Variants in UCHL3 observed in about 807,000 individuals in gnomAD.
UCHL3 encodes ubiquitin C-terminal hydrolase L3.
Under a neutral mutation model 35.8 loss-of-function variants are expected in UCHL3, and 22 were observed. The observed-to-expected ratio is 0.61, with a 90% confidence interval of 0.44 to 0.88. The LOEUF (loss-of-function observed/expected upper bound fraction) is 0.88, where lower values mean the gene tolerates loss of function less well. UCHL3 is among the 40% of genes least tolerant of loss of function. The probability of loss-of-function intolerance (pLI) is 0.00; values close to 1 mark genes in which losing one functional copy is unlikely to be tolerated. For synonymous variants in UCHL3, 90 were observed against 92.8 expected (o/e 0.97, Z 0.17); for missense variants, 229 against 276.9 (o/e 0.83, Z 1.23).
rs543945465 is a variant in UCHL3 at position 75,588,809 on chromosome 13, T to C, written c.475-6106T>C. On this transcript the variant is annotated intron_variant, in intron 6 of 8. Coordinates refer to ENST00000377595, the MANE Select transcript of UCHL3 (RefSeq NM_006002.5). ...CAAGGATTTATATTACCATTCTTTT[T>C]ATTTCTTCTCACTATGATTGTAGTG... 7.2e-5 allele frequency among the ~76,000 whole-genome samples: 11 copies of C among 152,304 alleles called. No individual in the cohort carries two copies. In the East Asian group the frequency reaches 2.1e-3, roughly 29 times the overall value.
intron 7 of UCHL3, among the ~76,000 whole-genome samples, chr13:75,598,806 T>C (rs1200957812): frequency 6.6e-6 from 1 of 152,206 alleles, no homozygotes; most frequent in Non-Finnish European, 1.5e-5. Context: ...GCTTTTATCC[T>C]CCAGATTTTG....
rs576620296 is a variant in UCHL3, at chr13:75,554,867, A to G, written c.54+4880A>G. Among the ~76,000 whole-genome samples the G allele has an allele frequency of 1.1e-4, 17 of 152,320 alleles. No individual in the cohort carries two copies. The South Asian group carries it at 3.5e-3, about 32-fold the overall frequency. On this transcript the variant is annotated intron_variant, in intron 2 of 8. Transcript: ENST00000377595. ...ATTTCATCACCCAGGTACTAAACCT[A>G]GTACCTAATAGTTATTGTTTCTGAT...
rs1380728875 is a variant in UCHL3 at position 75,604,546 on chromosome 13, C to A, written c.551-223C>A. On this transcript the variant is annotated intron_variant, in intron 7 of 8. Coordinates refer to ENST00000377595, the MANE Select transcript of UCHL3 (RefSeq NM_006002.5). ...AGCCAGCATTGTAATAAATTCCGTTCATGAAGATAATTTAGGCTTTCAAAT... is the reference window on the plus strand; with the variant it reads ...AGCCAGCATTGTAATAAATTCCGTTAATGAAGATAATTTAGGCTTTCAAAT... 2.6e-5 allele frequency: 10 copies of A among 379,402 alleles called. No individual in the cohort carries two copies. The Admixed American group carries it at 3.6e-4, about 14-fold the overall frequency. The allele number at this position is 379,402 out of a possible 1,614,324, so 23.5% of individuals were successfully genotyped here. A position where few individuals can be genotyped will look rare whatever the true frequency, so the allele number is the denominator to read the frequency against.
intron 7 of UCHL3, among the ~76,000 whole-genome samples, chr13:75,599,274 A>G (rs181045133): frequency 6.6e-6 from 1 of 151,960 alleles, no homozygotes; most frequent in African/African-American, 2.4e-5. Flanking sequence ...CACAGGCCAT[A>G]GTTTTAATTT....
chr13:75,595,458 G>T (rs900238398), intron 7 of UCHL3, among the ~76,000 whole-genome samples: 2 of 151,804 alleles, frequency 1.3e-5, no homozygotes, highest in Non-Finnish European at 1.5e-5. Flanking sequence ...TTAGCCCGGC[G>T]TGGTGGCACA....
intron 2 of UCHL3, among the ~76,000 whole-genome samples, chr13:75,553,181 A>C (rs2031174156): frequency 6.6e-6 from 1 of 152,166 alleles, no homozygotes; most frequent in South Asian, 2.1e-4. Flanking sequence ...TTTAGGAAAA[A>C]AATCTTTGTT....
intron 2 of UCHL3, among the ~76,000 whole-genome samples, chr13:75,552,438 A>G (rs1279735460): frequency 3.9e-5 from 6 of 152,212 alleles, no homozygotes; most frequent in Non-Finnish European, 8.8e-5. Context: ...AATCAATGTG[A>G]GCAAATACTG....
rs112263030 is a variant in UCHL3, at chr13:75,589,151, C to A, written c.475-5764C>A. 1.2e-3 allele frequency among the ~76,000 whole-genome samples: 180 copies of A among 152,208 alleles called. 2 individuals carry two copies. Among genetic ancestry groups the A allele is most frequent in the African/African-American group, 4.0e-3 (168 of 41,524 alleles). On this transcript the variant is annotated intron_variant, in intron 6 of 8. Coordinates refer to ENST00000377595, the MANE Select transcript of UCHL3 (RefSeq NM_006002.5). The stretch of plus-strand genomic sequence containing the variant: ...ATCATTGGACTCTAGAACTTGATTT[C>A]CTGGGTCTGAATCCCGGTTCTGTTA...
chr13:75,559,028 C>T (rs2031389546), intron 2 of UCHL3, among the ~76,000 whole-genome samples: 2 of 125,424 alleles, frequency 1.6e-5, no homozygotes, highest in African/African-American at 3.5e-5. Context: ...CAGCCCCGGA[C>T]TCTTTTTTTT....
intron 7 of UCHL3, among the ~76,000 whole-genome samples, chr13:75,602,354 G>A (rs1260902285): frequency 1.3e-5 from 2 of 152,124 alleles, no homozygotes; most frequent in African/African-American, 4.8e-5. Context: ...CAAAAAACAA[G>A]TTCTGAATGA....
chr13:75,582,378 G>A (rs1460234185), intron 6 of UCHL3, among the ~76,000 whole-genome samples: 1 of 152,142 alleles, frequency 6.6e-6, no homozygotes, highest in Non-Finnish European at 1.5e-5. Flanking sequence ...ATGAAGAGAT[G>A]AGTTTATATT....
intron 6 of UCHL3, among the ~76,000 whole-genome samples, chr13:75,587,710 AAAG>A (rs769249250): frequency 1.3e-5 from 2 of 152,174 alleles, no homozygotes; most frequent in African/African-American, 2.4e-5. Context: ...ATTTTTTTAA[AAAG>A]AAGTTTTCAA....
chr13:75,578,642 G>T (rs1277037544), intron 6 of UCHL3, among the ~76,000 whole-genome samples: 1 of 151,970 alleles, frequency 6.6e-6, no homozygotes, highest in Non-Finnish European at 1.5e-5. Context: ...ATGTTTGATT[G>T]CTAATGATAC....
rs6145127 is a variant in UCHL3 at position 75,571,976 on chromosome 13, CTGTCTTGTCTTGTCTTGTCT to C, written c.474+2501_474+2520del. On this transcript the variant is annotated intron_variant, in intron 6 of 8. Coordinates refer to ENST00000377595, the MANE Select transcript of UCHL3 (RefSeq NM_006002.5). ...AGCTGTATTCAAAGTTTTCCTAACC[CTGTCTTGTCTTGTCTTGTCT>C]TGTCTTGTCTTGTCTTGTCTTGTCT... Among the ~76,000 whole-genome samples, 16 of 143,150 alleles carry C rather than the reference CTGTCTTGTCTTGTCTTGTCT, an allele frequency of 1.1e-4. No individual in the cohort carries two copies. The South Asian group carries it at 1.6e-3, about 14-fold the overall frequency. 93.9% of individuals were successfully genotyped at this position (143,150 alleles called of 152,430 possible). A position where few individuals can be genotyped will look rare whatever the true frequency, so the allele number is the denominator to read the frequency against.
At chr13:75,570,003 C>T (rs1183507960) in intron 6 of UCHL3, among the ~76,000 whole-genome samples, 1 of 152,164 alleles carries the variant, frequency 6.6e-6, no homozygotes, top group South Asian at 2.1e-4. Context: ...TCCTTTCCTT[C>T]TCTTGCCTCT....
intron 6 of UCHL3, among the ~76,000 whole-genome samples, chr13:75,590,989 G>A (rs1246902302): frequency 6.6e-6 from 1 of 152,116 alleles, no homozygotes; most frequent in East Asian, 1.9e-4. Context: ...ACTGTGGTTT[G>A]GCAGAGCCTC....
At chr13:75,583,063 AAAT>A (rs2032228897) in intron 6 of UCHL3, among the ~76,000 whole-genome samples, 1 of 152,194 alleles carries the variant, frequency 6.6e-6, no homozygotes, top group African/African-American at 2.4e-5. Context: ...GAGGAGGTAA[AAAT>A]AAGTCTGACT....
intron 3 of UCHL3, among the ~76,000 whole-genome samples, chr13:75,562,877 A>G (rs1940386141): frequency 6.6e-6 from 1 of 152,228 alleles, no homozygotes; most frequent in Admixed American, 6.5e-5. Flanking sequence ...CTTTACTTAT[A>G]TAACTATAAT....
At chr13:75,587,858 T>C (rs67656352) in intron 6 of UCHL3, among the ~76,000 whole-genome samples, 16,812 of 152,142 alleles carry the variant, frequency 0.11, 1,175 homozygotes, top group Non-Finnish European at 0.16. Flanking sequence ...AAAGAGCCTG[T>C]TTGCTTACTG....
Sources: allele counts gnomAD v4.1 joint callset (sites outside exome capture counted in the v4.1 genomes callset), GRCh38; gene constraint gnomAD v4.1.1; transcripts MANE v1.5; gene names NCBI Gene and HGNC (gene_info 2026-07-23, HGNC 2026-07-21).